The following MAP1A variants were observed in gnomAD, a reference collection of about 807,000 sequenced individuals.
MAP1A encodes microtubule associated protein 1A.
MAP1A carries 42 observed loss-of-function variants against 185.9 expected under a neutral mutation model. The observed-to-expected ratio is 0.23, with a 90% confidence interval of 0.18 to 0.29. The LOEUF is 0.29. Ranked by LOEUF, MAP1A falls within the 10% of genes least tolerant of loss-of-function variation. The pLI, the probability that MAP1A is intolerant of heterozygous loss-of-function variation, is 1.00. For missense variants in MAP1A, 2,995 were observed against 3,450.4 expected (o/e 0.87, Z 3.31); for synonymous variants, 1,229 against 1,335.9 (o/e 0.92, Z 1.74).
Position 43,525,447 on chromosome 15 carries a change from A to G in MAP1A, c.3974A>G (p.Lys1325Arg). 6.2e-7 allele frequency: 1 copy of G among 1,614,230 alleles called. No homozygotes were observed. The highest frequency in any genetic ancestry group is 8.5e-7 in the Non-Finnish European group (1 of 1,180,046). The change falls in exon 4 of 6, where the codon AAG (lysine) becomes AGG (arginine). Residue 1325 changes from lysine to arginine, a missense_variant. Physicochemically the swap from Lys to Arg is conservative, Grantham distance 26. This residue lies in a region of MAP1A where 2,728 missense variants were observed against 2,986.0 expected (regional missense o/e 0.91). Transcript: ENST00000300231. ...CTGACACCTGATAGCTCCTTCTCCA[A>G]GAGTCCTGAGTCTTTGCCAGGCCCT... The part of the protein sequence containing the change: ...HILTPDSSFS[K>R]SPESLPGPAL...
At position 43,530,054 on chromosome 15, in the gene MAP1A, T is replaced by A. The variant is rs1035095639; in HGVS notation, c.8257-15T>A. The stretch of plus-strand genomic sequence containing the variant: ...TTTATGTTCTCACATCAGACATATC[T>A]TATCTCCCTTCTAGGTGACTCTGAT... On this transcript the variant is annotated splice_polypyrimidine_tract_variant and intron_variant, in intron 5 of 5. Transcript: ENST00000300231. 8 of 1,613,686 alleles carry A rather than the reference T, an allele frequency of 5.0e-6. No homozygotes were observed. The highest frequency in any genetic ancestry group is 6.8e-6 in the Non-Finnish European group (8 of 1,179,684).
rs999608020 is a variant in MAP1A, at chr15:43,530,353, C to T, written c.*129C>T. 2 of 1,234,436 alleles carry T rather than the reference C, an allele frequency of 1.6e-6. No homozygotes were observed. The highest frequency in any genetic ancestry group is 3.0e-5 in the African/African-American group (2 of 66,356). 76.5% of individuals were successfully genotyped at this position (1,234,436 alleles called of 1,614,324 possible). A position where few individuals can be genotyped will look rare whatever the true frequency, so the allele number is the denominator to read the frequency against. On this transcript the variant is annotated 3_prime_UTR_variant, in exon 6 of 6. Coordinates refer to ENST00000300231, the MANE Select transcript of MAP1A (RefSeq NM_002373.6). ...GGAGGGAGATGTCTTGTTGTGGGGACTTGGGCTGGGCTAAATGGGAGGGGT... is the reference window on the plus strand; with the variant it reads ...GGAGGGAGATGTCTTGTTGTGGGGATTTGGGCTGGGCTAAATGGGAGGGGT...
At position 43,523,736 on chromosome 15, in the gene MAP1A, A is replaced by G; in HGVS notation, c.2263A>G (p.Ile755Val). The part of the protein sequence containing the change: ...ETEQTISDEE[I>V]HDEPEERPAP... Reference sequence around the variant, plus strand: ...TGAGCAGACCATCTCAGATGAGGAGATCCATGATGAGCCGGAGGAGCGCCC... The same window carrying G: ...TGAGCAGACCATCTCAGATGAGGAGGTCCATGATGAGCCGGAGGAGCGCCC... The change falls in exon 4 of 6, where the codon ATC becomes GTC. Residue 755 changes from isoleucine (I) to valine (V), a missense_variant. This residue lies in a region of MAP1A where 2,728 missense variants were observed against 2,986.0 expected (regional missense o/e 0.91). Coordinates refer to ENST00000300231, the MANE Select transcript of MAP1A (RefSeq NM_002373.6). The G allele has an allele frequency of 1.2e-6, 2 of 1,613,996 alleles. No homozygotes were observed. Among genetic ancestry groups the G allele is most frequent in the Non-Finnish European group, 1.7e-6 (2 of 1,179,976 alleles).
chr15:43,524,442 G>A lies in MAP1A; in HGVS notation c.2969G>A (p.Ser990Asn). 6.2e-7 allele frequency: 1 copy of A among 1,614,184 alleles called. No individual in the cohort carries two copies. The highest frequency in any genetic ancestry group is 8.5e-7 in the Non-Finnish European group (1 of 1,180,026). Residue 990 changes from serine to asparagine, a missense_variant, in exon 4 of 6, where the codon AGC becomes AAC. Physicochemically the swap from Ser to Asn is conservative, Grantham distance 46. Coordinates refer to ENST00000300231, the MANE Select transcript of MAP1A (RefSeq NM_002373.6). ...GAGCGGTGCCTTAGCCCAGATGACA[G>A]CACAGTGAAGATGGCTTCTCCTCCA... ...AEERCLSPDD[S>N]TVKMASPPPS...
rs2079353741 is a variant in MAP1A, at chr15:43,528,090, C to T, written c.6617C>T (p.Pro2206Leu). ...GGGGATCGAGCTCTGGCTCTGGCTC[C>T]AGGACCCCCCACCAGAACCCGGCAT... ...FSGDRALALA[P>L]GPPTRTRHDE... is the part of the protein sequence containing the mutation. Residue 2206 changes from proline to leucine, a missense_variant, in exon 4 of 6, where the codon CCA becomes CTA. Transcript: ENST00000300231. 1 of 1,613,930 alleles carries T rather than the reference C, an allele frequency of 6.2e-7. No homozygotes were observed. The highest frequency in any genetic ancestry group is 1.3e-5 in the African/African-American group (1 of 74,902).
Position 43,524,689 on chromosome 15 carries a change from C to T in MAP1A, c.3216C>T (p.Ala1072=). The T allele has an allele frequency of 1.2e-6, 2 of 1,614,036 alleles. No homozygotes were observed. The highest frequency in any genetic ancestry group is 1.7e-6 in the Non-Finnish European group (2 of 1,179,976). ...TTCCTCCTCCCAGGAGCCCCCAGGCCCAGGAAGCACCTGTCAACATTGATG... is the reference window on the plus strand; with the variant it reads ...TTCCTCCTCCCAGGAGCCCCCAGGCTCAGGAAGCACCTGTCAACATTGATG... The part of the protein sequence containing the change: ...EKVPPPRSPQ[A]QEAPVNIDEG... The change falls in exon 4 of 6, where the codon GCC becomes GCT. Residue 1072 remains alanine, a synonymous_variant. Transcript: ENST00000300231.
chr15:43,527,974 C>T lies in MAP1A; in HGVS notation c.6501C>T (p.Ala2167=), dbSNP rs745602969. ...CCAGTCTGGACTTCCCTGCTTCAGCCTTTGGCTTCTCCTCATTGCAGCCAG... is the reference window on the plus strand; with the variant it reads ...CCAGTCTGGACTTCCCTGCTTCAGCTTTTGGCTTCTCCTCATTGCAGCCAG... The part of the protein sequence containing the change: ...ARPSLDFPAS[A]FGFSSLQPAP... The change falls in exon 4 of 6, where the codon GCC becomes GCT. Residue 2167 remains alanine, a synonymous_variant. Coordinates refer to ENST00000300231, the MANE Select transcript of MAP1A (RefSeq NM_002373.6). The T allele has an allele frequency of 5.0e-6, 8 of 1,614,004 alleles. No homozygotes were observed. The Admixed American group carries it at 1.0e-4, about 20-fold the overall frequency.
At chr15:43,516,354 A>T (rs935072726), upstream of MAP1A, among the ~76,000 whole-genome samples, 1 of 151,608 alleles carries the variant, frequency 6.6e-6, no homozygotes, top group South Asian at 2.1e-4. Context: ...TTAAGGGGGG[A>T]TGGGGGATGC....
At chr15:43,517,032 C>G (rs1056721881), upstream of MAP1A, among the ~76,000 whole-genome samples, 2 of 152,168 alleles carry the variant, frequency 1.3e-5, no homozygotes, top group Non-Finnish European at 2.9e-5. Flanking sequence ...TGTGTCCACT[C>G]CGGAATTTCA....
At position 43,526,457 on chromosome 15, in the gene MAP1A, G is replaced by A; in HGVS notation, c.4984G>A (p.Gly1662Arg). 6.2e-7 allele frequency: 1 copy of A among 1,614,142 alleles called. No homozygotes were observed. The highest frequency in any genetic ancestry group is 2.2e-5 in the East Asian group (1 of 44,882). The change falls in exon 4 of 6, where the codon GGA becomes AGA. Residue 1662 changes from glycine (G) to arginine (R), a missense_variant. Gly to Arg is a moderately radical substitution (Grantham distance 125). Transcript: ENST00000300231. This position sits in a 1 kb window ranked among gnomAD's most constrained non-coding sequence, Gnocchi z 4.7. ...ATCTCCTACCAGAGAGGAGCCGGCT[G>A]GAGAACAGAAAGAGCTTGCCCCGGC... is the stretch of plus-strand genomic sequence containing the variant. ...ETSPTREEPA[G>R]EQKELAPAWE...
At position 43,528,274 on chromosome 15, in the gene MAP1A, G is replaced by C; in HGVS notation, c.6801G>C (p.Val2267=). ...CCTCCTCTGAGGCTACCACGCCTGT[G>C]ATTTCAAGTGTGGCGGAGCGCTTCT... is the stretch of plus-strand genomic sequence containing the variant. ...EGSSSEATTP[V]ISSVAERFSP... The change falls in exon 4 of 6, where the codon GTG becomes GTC. Residue 2267 remains valine (V), a synonymous_variant. Transcript: ENST00000300231. The C allele has an allele frequency of 6.2e-7, 1 of 1,614,080 alleles. No homozygotes were observed. Among genetic ancestry groups the C allele is most frequent in the Non-Finnish European group, 8.5e-7 (1 of 1,180,040 alleles).
upstream of MAP1A, among the ~76,000 whole-genome samples, chr15:43,514,927 AAC>A (rs2140201134): frequency 6.6e-6 from 1 of 152,332 alleles, no homozygotes; most frequent in Admixed American, 6.5e-5. Flanking sequence ...GACTCTAAAA[AAC>A]ACAGGGCCGG....
Position 43,527,153 on chromosome 15 carries a change from G to T in MAP1A, c.5680G>T (p.Ala1894Ser). 2 of 1,613,158 alleles carry T rather than the reference G, an allele frequency of 1.2e-6. No homozygotes were observed. Among genetic ancestry groups the T allele is most frequent in the Non-Finnish European group, 1.7e-6 (2 of 1,179,664 alleles). ...DSVVAAVQEG[A>S]AELEGGPYSP... ...TGTGGTGGCTGCAGTGCAGGAGGGG[G>T]CAGCTGAGTTGGAAGGTGGGCCATA... The change falls in exon 4 of 6, where the codon GCA (alanine) becomes TCA (serine). Residue 1894 changes from alanine (A) to serine (S), a missense_variant. Ala to Ser is a moderately conservative substitution (Grantham distance 99, BLOSUM62 1). Coordinates refer to ENST00000300231, the MANE Select transcript of MAP1A (RefSeq NM_002373.6).
chr15:43,518,861 A>G (rs1849776189), intron 1 of MAP1A, among the ~76,000 whole-genome samples: 1 of 152,186 alleles, frequency 6.6e-6, no homozygotes, highest in African/African-American at 2.4e-5. Context: ...CCTGAAAAAG[A>G]GAGGCACAGG....
In MAP1A at chr15:43,524,945, G is replaced by A. The variant is rs746566139; in HGVS notation, c.3472G>A (p.Val1158Met). ...EDAESLSVLS[V>M]PSPDTANQEP... is the part of the protein sequence containing the mutation. The stretch of plus-strand genomic sequence containing the variant: ...TGCAGAATCCCTCTCTGTCCTCAGC[G>A]TGCCCTCCCCAGACACTGCCAACCA... Residue 1158 changes from valine to methionine, a missense_variant, in exon 4 of 6, where the codon GTG (valine) becomes ATG (methionine). Physicochemically the swap from Val to Met is conservative, Grantham distance 21. Around this residue, in one of 3 missense-constraint regions of MAP1A, gnomAD observed 2,728 missense variants for 2,986.0 expected, o/e 0.91. Transcript: ENST00000300231. 3.1e-5 allele frequency: 50 copies of A among 1,613,938 alleles called. No homozygotes were observed. The highest frequency in any genetic ancestry group is 4.0e-5 in the Non-Finnish European group (47 of 1,180,008).
At chr15:43,511,258 T>TAG (rs1478916420) in intron 1 of MAP1A, 9 of 1,511,286 alleles carry the variant, frequency 6.0e-6, no homozygotes, top group Non-Finnish European at 7.2e-6. Context: ...GCTTCAGGCA[T>TAG]CTCTACCCTG....
In MAP1A at chr15:43,529,064, C is replaced by T; in HGVS notation, c.7591C>T (p.Leu2531Phe). ...TCCGTCCATCACAGCTGAGGCAGCCCTCGACTCAGATGAAGATGGAGACTT... is the reference window on the plus strand; with the variant it reads ...TCCGTCCATCACAGCTGAGGCAGCCTTCGACTCAGATGAAGATGGAGACTT... ...ECPSITAEAA[L>F]DSDEDGDFLP... Residue 2531 changes from leucine (L) to phenylalanine (F), a missense_variant, in exon 4 of 6, where the codon CTC becomes TTC. By Grantham distance (22) the Leu-to-Phe change is conservative (BLOSUM62 0). Coordinates refer to ENST00000300231, the MANE Select transcript of MAP1A (RefSeq NM_002373.6). This position sits in a 1 kb window ranked among gnomAD's most constrained non-coding sequence, Gnocchi z 4.3. 1 of 1,613,886 alleles carries T rather than the reference C, an allele frequency of 6.2e-7. No homozygotes were observed. Among genetic ancestry groups the T allele is most frequent in the Non-Finnish European group, 8.5e-7 (1 of 1,179,996 alleles).
rs746857096 is a variant in MAP1A, at chr15:43,527,029, C to T, written c.5556C>T (p.Leu1852=). The change falls in exon 4 of 6, where the codon CTC becomes CTT. Residue 1852 remains leucine, a synonymous_variant. Coordinates refer to ENST00000300231, the MANE Select transcript of MAP1A (RefSeq NM_002373.6). ...CCTGGGTGCCCAAGGACAGACCCCT[C>T]CCCCCTGCACCCCTCTCCCCAGCTC... The part of the protein sequence containing the change: ...IPPWVPKDRP[L]PPAPLSPAPG... 6.3e-7 allele frequency: 1 copy of T among 1,590,856 alleles called. No individual in the cohort carries two copies. The highest frequency in any genetic ancestry group is 8.6e-7 in the Non-Finnish European group (1 of 1,165,434).
At position 43,524,527 on chromosome 15, in the gene MAP1A, G is replaced by A. The variant is rs1486146951; in HGVS notation, c.3054G>A (p.Lys1018=). The A allele has an allele frequency of 6.2e-7, 1 of 1,614,148 alleles. No individual in the cohort carries two copies. Among genetic ancestry groups the A allele is most frequent in the South Asian group, 1.1e-5 (1 of 91,082 alleles). ...TTCATCAGTCCCCAGTGGAAGAAAA[G>A]TCTGAGCCCCAAGACTTTCAGGAGG... ...TPFHQSPVEE[K]SEPQDFQEAD... is the part of the protein sequence containing the mutation. Residue 1018 remains lysine, a synonymous_variant, in exon 4 of 6, where the codon AAG becomes AAA. Transcript: ENST00000300231.
Sources: gnomAD v4.1 joint callset for allele counts (sites outside exome capture counted in the v4.1 genomes callset) on GRCh38, gnomAD v4.1.1 for gene constraint, gnomAD v4.1.1 regional missense constraint, Gnocchi (gnomAD v3.1) non-coding constraint, MANE v1.5 for transcripts, NCBI Gene and HGNC (gene_info 2026-07-23, HGNC 2026-07-21) for gene names.